GRM7: variants seen among roughly 807,000 people sequenced by gnomAD.
GRM7 encodes the protein metabotropic glutamate receptor 7.
Under a neutral mutation model 84.5 loss-of-function variants are expected in GRM7, and 35 were observed. The ratio of observed to expected loss-of-function variants is 0.41; its 90% CI spans 0.32 to 0.55. The LOEUF is 0.55. Among genes scored for constraint, GRM7 ranks in the 20% least tolerant of loss-of-function variants. The pLI is 0.19. For synonymous variants in GRM7, 487 were observed against 455.1 expected (o/e 1.07, Z -0.89); for missense variants, 1,003 against 1,194.6 (o/e 0.84, Z 2.36).
chr3:7,037,773 C>G (rs564962008), intron 1 of GRM7, among the ~76,000 whole-genome samples: 1 of 152,200 alleles, frequency 6.6e-6, no homozygotes, highest in African/African-American at 2.4e-5. Context: ...ACTGCAGCAA[C>G]AGTCACACAT....
At position 7,175,475 on chromosome 3, in the gene GRM7, A is replaced by G. The variant is rs902114624; in HGVS notation, c.736+28807A>G. 4.8e-4 allele frequency among the ~76,000 whole-genome samples: 73 copies of G among 152,252 alleles called. 3 individuals carry two copies. Among genetic ancestry groups the G allele is most frequent in the Non-Finnish European group, 1.2e-4 (8 of 68,054 alleles). Reference sequence around the variant, plus strand: ...CTTCATTTGGTGCCTAAAGCAGAGTATAGAGCATGTATGAAAACTATTTAA... The same window carrying G: ...CTTCATTTGGTGCCTAAAGCAGAGTGTAGAGCATGTATGAAAACTATTTAA... On this transcript the variant is annotated intron_variant, in intron 2 of 9. Coordinates refer to ENST00000357716, the MANE Select transcript of GRM7 (RefSeq NM_000844.4).
At chr3:7,311,227 T>G (rs1700379868) in intron 4 of GRM7, among the ~76,000 whole-genome samples, 1 of 152,168 alleles carries the variant, frequency 6.6e-6, no homozygotes, top group Non-Finnish European at 1.5e-5. Context: ...AATTGAGAAT[T>G]GAGAAGAGCT....
At position 7,740,364 on chromosome 3, in the gene GRM7, T is replaced by C. The variant is rs377300770; in HGVS notation, c.2706T>C (p.Ala902=). The change falls in exon 10 of 10, where the codon GCT becomes GCC. Residue 902 remains alanine (A), a synonymous_variant. Coordinates refer to ENST00000357716, the MANE Select transcript of GRM7 (RefSeq NM_000844.4). ...LCENVDPNSP[A]AKKKYVSYNN... ...TTCTAATTTTTCTTTCAGGCCCTGCTGCAAAAAAGAAGTATGTCAGTTATA... is the reference window on the plus strand; with the variant it reads ...TTCTAATTTTTCTTTCAGGCCCTGCCGCAAAAAAGAAGTATGTCAGTTATA... 61 of 1,586,412 alleles carry C rather than the reference T, an allele frequency of 3.8e-5. No individual in the cohort carries two copies. Among genetic ancestry groups the C allele is most frequent in the Non-Finnish European group, 5.1e-5 (59 of 1,160,288 alleles).
chr3:7,654,116 C>T (rs890286903), intron 8 of GRM7, among the ~76,000 whole-genome samples: 2 of 152,120 alleles, frequency 1.3e-5, no homozygotes, highest in Non-Finnish European at 2.9e-5. Flanking sequence ...CTCTATATTG[C>T]TGATTTCTGG....
intron 8 of GRM7, among the ~76,000 whole-genome samples, chr3:7,633,193 A>C (rs73810824): frequency 9.7e-4 from 148 of 152,360 alleles, no homozygotes; most frequent in African/African-American, 3.2e-3. Flanking sequence ...AGGTGCTGCC[A>C]AGCATTACTG....
chr3:7,121,333 TCATCCATCCATCCATCCATC>T lies in GRM7; in HGVS notation c.520-25089_520-25070del, dbSNP rs71307751. On this transcript the variant is annotated intron_variant, in intron 1 of 9. Coordinates refer to ENST00000357716, the MANE Select transcript of GRM7 (RefSeq NM_000844.4). Reference sequence around the variant, plus strand: ...TTGAGCCATCCTCCCATCCATCTATTCATCCATCCATCCATCCATCCATCCATCCATCCATCCATCCATCC... The same window carrying T: ...TTGAGCCATCCTCCCATCCATCTATTCATCCATCCATCCATCCATCCATCC... Among the ~76,000 whole-genome samples the T allele has an allele frequency of 4.4e-4, 66 of 149,562 alleles. 1 individual carries two copies. The highest frequency in any genetic ancestry group is 8.0e-4 in the East Asian group (4 of 5,014).
chr3:7,397,209 C>T (rs1257994048), intron 4 of GRM7, among the ~76,000 whole-genome samples: 1 of 152,124 alleles, frequency 6.6e-6, no homozygotes, highest in Non-Finnish European at 1.5e-5. Flanking sequence ...GGAAGTTTAT[C>T]ATATTGAAAT....
chr3:7,337,868 A>G (rs111596261), intron 4 of GRM7, among the ~76,000 whole-genome samples: 6,814 of 152,068 alleles, frequency 0.045, 355 homozygotes, highest in African/African-American at 0.13. Flanking sequence ...AGAACTAAGA[A>G]TAGAACTGCC....
intron 1 of GRM7, among the ~76,000 whole-genome samples, chr3:6,883,105 G>T (rs1695571228): frequency 6.6e-6 from 1 of 152,080 alleles, no homozygotes; most frequent in Non-Finnish European, 1.5e-5. Flanking sequence ...GTGCCACTCT[G>T]TTGAGTAAAA....
intron 4 of GRM7, among the ~76,000 whole-genome samples, chr3:7,316,947 G>A (rs1015853476): frequency 2.0e-5 from 3 of 152,098 alleles, no homozygotes; most frequent in Admixed American, 6.6e-5. Flanking sequence ...CTGTCATCAC[G>A]AGGATAAGAA....
chr3:7,650,812 G>GCTCCAAGAGATTCTCCTGC (rs1698899150), intron 8 of GRM7, among the ~76,000 whole-genome samples: 1 of 152,136 alleles, frequency 6.6e-6, no homozygotes, highest in Non-Finnish European at 1.5e-5. Flanking sequence ...TAGCCTCCTG[G>GCTCCAAGAGATTCTCCTGC]CTCCAAGAGA....
intron 1 of GRM7, among the ~76,000 whole-genome samples, chr3:6,969,898 A>G (rs998939262): frequency 2.6e-5 from 4 of 152,170 alleles, no homozygotes; most frequent in Admixed American, 6.5e-5. Context: ...TGTGACTGCA[A>G]TTGTCAACTC....
At chr3:7,258,099 C>A (rs1319928018) in intron 2 of GRM7, among the ~76,000 whole-genome samples, 2 of 152,070 alleles carry the variant, frequency 1.3e-5, no homozygotes, top group Non-Finnish European at 2.9e-5. Context: ...TACAGTAGCA[C>A]CCAGTGACAC....
chr3:7,606,572 C>A (rs2125075343), intron 8 of GRM7, among the ~76,000 whole-genome samples: 1 of 152,238 alleles, frequency 6.6e-6, no homozygotes, highest in South Asian at 2.1e-4. Context: ...CTCTTTGTCA[C>A]CCAGGCTGGA....
chr3:7,451,414 C>T (rs1217095384), intron 5 of GRM7, among the ~76,000 whole-genome samples: 1 of 152,066 alleles, frequency 6.6e-6, no homozygotes, highest in East Asian at 1.9e-4. Context: ...CTCGGTGTGA[C>T]AAACAGTTGG....
intron 4 of GRM7, among the ~76,000 whole-genome samples, chr3:7,351,338 C>CA (rs1559258100): frequency 1.9e-4 from 8 of 41,376 alleles, no homozygotes; most frequent in South Asian, 9.8e-4. Flanking sequence ...TTCCCACAGG[C>CA]GAAAAAAAAA....
intron 9 of GRM7, among the ~76,000 whole-genome samples, chr3:7,724,569 C>T (rs1334273820): frequency 6.6e-6 from 1 of 152,178 alleles, no homozygotes; most frequent in East Asian, 1.9e-4. Flanking sequence ...CAGATAAGGA[C>T]AACACTGTCA....
At chr3:7,440,910 A>G in intron 5 of GRM7, among the ~76,000 whole-genome samples, 1 of 152,138 alleles carries the variant, frequency 6.6e-6, no homozygotes, top group East Asian at 1.9e-4. Flanking sequence ...TGGAAATACA[A>G]GTCAATGCCA....
chr3:7,107,047 AG>A (rs552984557), intron 1 of GRM7, among the ~76,000 whole-genome samples: 4 of 152,018 alleles, frequency 2.6e-5, no homozygotes, highest in African/African-American at 9.7e-5. Context: ...CACAAAACCT[AG>A]GGGGCTATGA....
Sources: gnomAD v4.1 joint callset for allele counts (sites outside exome capture counted in the v4.1 genomes callset) on GRCh38, gnomAD v4.1.1 for gene constraint, MANE v1.5 for transcripts, NCBI Gene and HGNC (gene_info 2026-07-23, HGNC 2026-07-21) for gene names.